Variants in DOP1A observed in about 807,000 individuals in gnomAD.
The protein encoded by DOP1A is DOP1 leucine zipper like protein A.
Under a neutral mutation model 267.6 loss-of-function variants are expected in DOP1A, and 90 were observed. The ratio of observed to expected loss-of-function variants is 0.34; its 90% CI spans 0.28 to 0.40. The LOEUF is 0.40. Among genes scored for constraint, DOP1A ranks in the 10% least tolerant of loss-of-function variants. DOP1A has a pLI of 1.00. For missense variants in DOP1A, 2,437 were observed against 2,900.4 expected (o/e 0.84, Z 3.67); for synonymous variants, 932 against 999.1 (o/e 0.93, Z 1.27).
chr6:83,104,836 C>CT (rs1042728740), intron 4 of DOP1A, among the ~76,000 whole-genome samples: 1 of 150,606 alleles, frequency 6.6e-6, no homozygotes, highest in Non-Finnish European at 1.5e-5. Context: ...TCAAGCCATC[C>CT]TTTTTTTTTA....
At chr6:83,168,674 T>C, downstream of DOP1A, 1 of 994,772 alleles carries the variant, frequency 1.0e-6, no homozygotes, top group Non-Finnish European at 1.2e-6. Flanking sequence ...AAGTATTGCA[T>C]GAGCATCTCC....
In DOP1A at chr6:83,155,867, T is replaced by C. The variant is rs906335399; in HGVS notation, c.6452-84T>C. The C allele has an allele frequency of 3.4e-6, 5 of 1,489,810 alleles. No individual in the cohort carries two copies. In the East Asian group the frequency reaches 9.2e-5, roughly 27 times the overall value. The allele number at this position is 1,489,810 out of a possible 1,614,324, so 92.3% of individuals were successfully genotyped here. On this transcript the variant is annotated intron_variant, in intron 33 of 38. Coordinates refer to ENST00000349129, the MANE Select transcript of DOP1A (RefSeq NM_015018.4). ...AAGCTCCTCTCAGTTTTGGATGTCA[T>C]AGAGCATCTAGCTATTTTAAAAAAC...
chr6:83,114,784 G>C (rs2128192545), intron 7 of DOP1A, among the ~76,000 whole-genome samples: 1 of 152,150 alleles, frequency 6.6e-6, no homozygotes, highest in South Asian at 2.1e-4. Context: ...AAATGTTCTA[G>C]ATTCTTATAT....
chr6:83,110,178 A>G lies in DOP1A; in HGVS notation c.545A>G (p.Tyr182Cys), dbSNP rs1774311747. The G allele has an allele frequency of 6.2e-7, 1 of 1,613,704 alleles. No homozygotes were observed. The highest frequency in any genetic ancestry group is 1.3e-5 in the African/African-American group (1 of 74,920). ...GCTGCTGTGGACCAGTCAGCATTCTACAGTGCCCTGTGGGGTAGTCTTCTC... is the reference window on the plus strand; with the variant it reads ...GCTGCTGTGGACCAGTCAGCATTCTGCAGTGCCCTGTGGGGTAGTCTTCTC... ...VAAAVDQSAFYSALWGSLLTS... is the reference protein window; with the variant it reads ...VAAAVDQSAFCSALWGSLLTS... The change falls in exon 6 of 39, where the codon TAC becomes TGC. Residue 182 changes from tyrosine (Y) to cysteine (C), a missense_variant. This residue lies in a region of DOP1A where 251 missense variants were observed against 359.1 expected (regional missense o/e 0.70). Coordinates refer to ENST00000349129, the MANE Select transcript of DOP1A (RefSeq NM_015018.4).
chr6:83,112,485 A>C (rs1774724175), intron 6 of DOP1A, among the ~76,000 whole-genome samples: 1 of 152,180 alleles, frequency 6.6e-6, no homozygotes, highest in Non-Finnish European at 1.5e-5. Flanking sequence ...GTATTTATTG[A>C]CACAGTCTCA....
chr6:83,134,708 C>A (rs1024260360), intron 19 of DOP1A, among the ~76,000 whole-genome samples: 6 of 152,138 alleles, frequency 3.9e-5, no homozygotes, highest in African/African-American at 1.4e-4. Flanking sequence ...CAGATTCTTT[C>A]CATGAATCCA....
intron 35 of DOP1A, among the ~76,000 whole-genome samples, chr6:83,157,968 T>TA (rs1783189028): frequency 6.6e-6 from 1 of 152,048 alleles, no homozygotes; most frequent in African/African-American, 2.4e-5. Flanking sequence ...TCCCTGCAAA[T>TA]ATAATTGCTT....
intron 38 of DOP1A, chr6:83,166,152 T>C (rs1481542227): frequency 2.1e-6 from 1 of 471,372 alleles, no homozygotes; most frequent in Non-Finnish European, 3.7e-6. Flanking sequence ...AATTTTTTTA[T>C]TTTTCACTCA....
At chr6:83,139,898 C>T (rs1779356792) in intron 21 of DOP1A, 102 bp from the exon 22 acceptor site, 1 of 693,970 alleles carries the variant, frequency 1.4e-6, no homozygotes, top group Non-Finnish European at 2.4e-6. Flanking sequence ...GTATTTATTG[C>T]ACATCTTCTG....
At chr6:83,167,654 T>A in intron 38 of DOP1A, 4 of 1,290,828 alleles carry the variant, frequency 3.1e-6, no homozygotes, top group Non-Finnish European at 3.9e-6. Flanking sequence ...GAACTATTAC[T>A]ACAATGTTAG....
intron 1 of DOP1A, among the ~76,000 whole-genome samples, chr6:83,074,846 G>A (rs909153840): frequency 1.1e-4 from 17 of 152,202 alleles, no homozygotes; most frequent in African/African-American, 3.4e-4. Flanking sequence ...CAAGGCCAGA[G>A]GATTGCTTGA....
At chr6:83,126,577 C>A (rs1054101844) in intron 15 of DOP1A, among the ~76,000 whole-genome samples, 2 of 151,954 alleles carry the variant, frequency 1.3e-5, no homozygotes, top group Non-Finnish European at 1.5e-5. Context: ...GATAAGTGTA[C>A]AAAGGAAAAT....
At chr6:83,074,313 A>G in intron 1 of DOP1A, among the ~76,000 whole-genome samples, 1 of 152,076 alleles carries the variant, frequency 6.6e-6, no homozygotes, top group African/African-American at 2.4e-5. Flanking sequence ...ATTTATTGTT[A>G]TTTATTATGA....
At chr6:83,092,114 G>C (rs957190031) in intron 1 of DOP1A, among the ~76,000 whole-genome samples, 2 of 151,964 alleles carry the variant, frequency 1.3e-5, no homozygotes, top group Non-Finnish European at 2.9e-5. Context: ...CTAGTCTTTT[G>C]TATCTGACAT....
chr6:83,161,293 T>G (rs1025179091), intron 37 of DOP1A: 2 of 152,186 alleles, frequency 1.3e-5, no homozygotes, highest in African/African-American at 4.8e-5. Context: ...TTTTAAAAAC[T>G]TACATCTTTC....
chr6:83,115,747 A>C (rs1055768524), intron 7 of DOP1A, among the ~76,000 whole-genome samples: 1 of 152,232 alleles, frequency 6.6e-6, no homozygotes, highest in African/African-American at 2.4e-5. Flanking sequence ...AGAGAATACA[A>C]TACATTGCTA....
At position 83,168,377 on chromosome 6, in the gene DOP1A, A is replaced by G; in HGVS notation, c.*210A>G. 7.3e-7 allele frequency: 1 copy of G among 1,370,694 alleles called. No individual in the cohort carries two copies. Among genetic ancestry groups the G allele is most frequent in the South Asian group, 1.7e-5 (1 of 60,464 alleles). 84.9% of individuals were successfully genotyped at this position (1,370,694 alleles called of 1,614,324 possible). Reference sequence around the variant, plus strand: ...TTGGCTCATACTGATTATGGTGCCTAAGAGAGCTATATATATACACATGTA... The same window carrying G: ...TTGGCTCATACTGATTATGGTGCCTGAGAGAGCTATATATATACACATGTA... On this transcript the variant is annotated 3_prime_UTR_variant, in exon 39 of 39. Transcript: ENST00000349129.
chr6:83,120,327 A>C (rs558523430), intron 9 of DOP1A, among the ~76,000 whole-genome samples: 2 of 152,094 alleles, frequency 1.3e-5, no homozygotes, highest in African/African-American at 4.8e-5. Flanking sequence ...CTAACGGGAA[A>C]ATAATTGCCT....
intron 4 of DOP1A, 63 bp from the exon 5 acceptor site, chr6:83,108,847 C>T (rs1297931843): frequency 2.1e-6 from 3 of 1,410,498 alleles, no homozygotes; most frequent in Non-Finnish European, 2.9e-6. Context: ...CATATAATTG[C>T]ATATGAATTA....
Sources: gnomAD v4.1 joint callset for allele counts (sites outside exome capture counted in the v4.1 genomes callset) on GRCh38, gnomAD v4.1.1 for gene constraint, gnomAD v4.1.1 regional missense constraint, MANE v1.5 for transcripts, NCBI Gene and HGNC (gene_info 2026-07-23, HGNC 2026-07-21) for gene names.